Variants in FOXN4 observed in about 807,000 individuals in gnomAD.
The protein encoded by FOXN4 is forkhead box N4, also known as forkhead box protein N4.
A neutral mutation model predicts 45.0 loss-of-function variants in FOXN4; 12 were observed. The observed-to-expected ratio is 0.27, with a 90% CI of 0.17 to 0.43. The LOEUF is 0.43. FOXN4 is among the 20% of genes least tolerant of loss of function. The probability of loss-of-function intolerance (pLI) is 1.00; values close to 1 mark genes in which losing one functional copy is unlikely to be tolerated. For missense variants in FOXN4, 560 were observed against 694.9 expected (o/e 0.81, Z 2.18); for synonymous variants, 297 against 295.0 (o/e 1.01, Z -0.07).
intron 8 of FOXN4, among the ~76,000 whole-genome samples, chr12:109,283,261 TA>T (rs1234302971): frequency 1.6e-4 from 24 of 152,124 alleles, no homozygotes; most frequent in African/African-American, 5.6e-4. Flanking sequence ...GTGAAAAATA[TA>T]AAAGTTATCA....
intron 8 of FOXN4, among the ~76,000 whole-genome samples, chr12:109,284,492 C>T (rs1310643162): frequency 2.0e-5 from 3 of 151,722 alleles, no homozygotes; most frequent in East Asian, 1.9e-4. Context: ...AGGGGCTGCC[C>T]GGGCCTCTTG....
rs528243497 is a variant in FOXN4, at chr12:109,305,145, A to AAGC, written c.86+3090_86+3091insGCT. On this transcript the variant is annotated intron_variant, in intron 2 of 9. Coordinates refer to ENST00000299162, the MANE Select transcript of FOXN4 (RefSeq NM_213596.3). ...GTGGTTACAAATACTCTCAGGGTGCAACCACTTTGGGGCCAAGTCTCCACT... is the reference window on the plus strand; with the variant it reads ...GTGGTTACAAATACTCTCAGGGTGCAAGCACCACTTTGGGGCCAAGTCTCCACT... Among the ~76,000 whole-genome samples, 85 of 152,256 alleles carry AAGC rather than the reference A, an allele frequency of 5.6e-4. 2 individuals are homozygous for AAGC. The East Asian group carries it at 0.012, about 22-fold the overall frequency.
At chr12:109,293,623 G>A (rs1456076813) in intron 2 of FOXN4, among the ~76,000 whole-genome samples, 1 of 152,198 alleles carries the variant, frequency 6.6e-6, no homozygotes, top group Non-Finnish European at 1.5e-5. Context: ...TCAGCCTCCT[G>A]AGTAGCTGGA....
At chr12:109,296,365 G>T (rs2047817142) in intron 2 of FOXN4, among the ~76,000 whole-genome samples, 1 of 152,200 alleles carries the variant, frequency 6.6e-6, no homozygotes, top group South Asian at 2.1e-4. Context: ...GGGGCCAAAT[G>T]TCCTTCCCCC....
chr12:109,285,965 A>C (rs2047706607), intron 7 of FOXN4, among the ~76,000 whole-genome samples: 1 of 151,528 alleles, frequency 6.6e-6, no homozygotes. Flanking sequence ...TCCTGGGATC[A>C]AACAGTCTTC....
chr12:109,286,354 G>A (rs2047710145), intron 7 of FOXN4, among the ~76,000 whole-genome samples: 1 of 152,186 alleles, frequency 6.6e-6, no homozygotes. Context: ...CAATTCTGTT[G>A]TTTTGCATCA....
chr12:109,296,392 C>G (rs2047817472), intron 2 of FOXN4, among the ~76,000 whole-genome samples: 1 of 152,236 alleles, frequency 6.6e-6, no homozygotes, highest in East Asian at 1.9e-4. Context: ...TGTGTGCCTT[C>G]CTCTGTGTCT....
chr12:109,284,869 CGTGTGT>C (rs72368569), intron 8 of FOXN4, among the ~76,000 whole-genome samples: 1 of 141,336 alleles, frequency 7.1e-6, no homozygotes, highest in Non-Finnish European at 1.5e-5. Flanking sequence ...TCCTCTTCTG[CGTGTGT>C]GTGTGCACGC....
chr12:109,298,515 C>A (rs1344830792), intron 2 of FOXN4, among the ~76,000 whole-genome samples: 1 of 152,120 alleles, frequency 6.6e-6, no homozygotes, highest in Non-Finnish European at 1.5e-5. Flanking sequence ...GCACCCACCA[C>A]TACACCCAGC....
At chr12:109,303,435 A>C (rs895146815) in intron 2 of FOXN4, among the ~76,000 whole-genome samples, 2 of 152,172 alleles carry the variant, frequency 1.3e-5, no homozygotes, top group Non-Finnish European at 2.9e-5. Context: ...TGGATGTGTT[A>C]TTTTCACGTG....
Position 109,288,557 on chromosome 12 carries a change from A to G in FOXN4, c.233-377T>C, listed in dbSNP as rs112221650. Among the ~76,000 whole-genome samples the G allele has an allele frequency of 3.7e-3, 571 of 152,284 alleles. 7 individuals carry two copies. The highest frequency in any genetic ancestry group is 0.013 in the African/African-American group (536 of 41,558). On this transcript the variant is annotated intron_variant, in intron 3 of 9. Coordinates refer to ENST00000299162, the MANE Select transcript of FOXN4 (RefSeq NM_213596.3). This position sits in a 1 kb window ranked among gnomAD's most constrained non-coding sequence, Gnocchi z 4.3. ...ATTATGTCCTTCATGAAGCTAAAAC[A>G]CCAATTCACGGTTCATTTCTTTTCC...
chr12:109,297,155 G>A (rs2047825254), intron 2 of FOXN4, among the ~76,000 whole-genome samples: 1 of 152,188 alleles, frequency 6.6e-6, no homozygotes, highest in African/African-American at 2.4e-5. Context: ...CCTCCAGGCT[G>A]AGGACCAGTA....
chr12:109,278,305 C>T lies in FOXN4; in HGVS notation c.*1366G>A, dbSNP rs2047623484. On this transcript the variant is annotated 3_prime_UTR_variant, in exon 10 of 10. Transcript: ENST00000299162. Reference sequence around the variant, plus strand: ...CTAGGGTTCGGGAACTCCCAGACACCAAGTCAACATCCATCTGGTGGAAAG... The same window carrying T: ...CTAGGGTTCGGGAACTCCCAGACACTAAGTCAACATCCATCTGGTGGAAAG... 1 of 152,236 alleles carries T rather than the reference C, an allele frequency of 6.6e-6. No homozygotes were observed. Among genetic ancestry groups the T allele is most frequent in the African/African-American group, 2.4e-5 (1 of 41,458 alleles). The allele number at this position is 152,236 out of a possible 1,614,324, so 9.4% of individuals were successfully genotyped here.
rs142013051 is a variant in FOXN4, at chr12:109,281,737, C to A, written c.964G>T (p.Glu322Ter). The A allele has an allele frequency of 6.2e-7, 1 of 1,606,658 alleles. No homozygotes were observed. The highest frequency in any genetic ancestry group is 1.1e-5 in the South Asian group (1 of 90,730). Reference sequence around the variant, plus strand: ...TGAGTCAGCACGGGGGCCTCTGGTTCCCCCGGTTTGCCGGGGCGCCGGCAG... The same window carrying A: ...TGAGTCAGCACGGGGGCCTCTGGTTACCCCGGTTTGCCGGGGCGCCGGCAG... ...ESCRRPGKPGEPEAPVLTHAT... is the reference protein window; with the variant it reads ...ESCRRPGKPG Residue 322 changes from glutamate (E) to a stop codon, truncating the protein, a stop_gained, in exon 9 of 10, where the codon GAA (glutamate) becomes TAA (stop). Coordinates refer to ENST00000299162, the MANE Select transcript of FOXN4 (RefSeq NM_213596.3). LOFTEE classifies it high-confidence loss of function.
At chr12:109,292,595 C>A (rs565875676) in intron 2 of FOXN4, among the ~76,000 whole-genome samples, 3 of 152,268 alleles carry the variant, frequency 2.0e-5, no homozygotes, top group Admixed American at 6.5e-5. Context: ...CAGTGGCTCA[C>A]GGTCAATGTA....
At chr12:109,308,199 TA>T in intron 2 of FOXN4, 36 bp downstream of exon 2, 1 of 1,480,162 alleles carries the variant, frequency 6.8e-7, no homozygotes. Flanking sequence ...TTTGAGCAAT[TA>T]AAAAATATAT....
chr12:109,304,287 GAAAGAAAGGA>G (rs1566005706), intron 2 of FOXN4, among the ~76,000 whole-genome samples: 113 of 49,578 alleles, frequency 2.3e-3, no homozygotes, highest in African/African-American at 7.7e-3. Context: ...AAGAAAGAAA[GAAAGAAAGGA>G]GAAAGAAAGA....
In FOXN4 at chr12:109,303,271, G is replaced by A. The variant is rs561532432; in HGVS notation, c.86+4965C>T. 2.0e-3 allele frequency among the ~76,000 whole-genome samples: 311 copies of A among 152,230 alleles called. 1 individual carries two copies. The highest frequency in any genetic ancestry group is 7.1e-3 in the African/African-American group (293 of 41,526). On this transcript the variant is annotated intron_variant, in intron 2 of 9. Transcript: ENST00000299162. ...GAGGGTGAAGGGATGGGAAGACATCGGGATGGTTACTGCCCCTAAGAAACG... is the reference window on the plus strand; with the variant it reads ...GAGGGTGAAGGGATGGGAAGACATCAGGATGGTTACTGCCCCTAAGAAACG...
At position 109,290,302 on chromosome 12, in the gene FOXN4, G is replaced by C. The variant is rs1215694997; in HGVS notation, c.87-16C>G. 1.3e-6 allele frequency: 2 copies of C among 1,535,698 alleles called. No homozygotes were observed. The highest frequency in any genetic ancestry group is 2.5e-5 in the East Asian group (1 of 40,522). On this transcript the variant is annotated splice_polypyrimidine_tract_variant and intron_variant, in intron 2 of 9. Transcript: ENST00000299162. The surrounding 1 kb of genome is among the most constrained non-coding windows in gnomAD (Gnocchi z 5.1). Reference sequence around the variant, plus strand: ...GGCTAGAAGCCTGCAAAGAGGAACAGAGAACTCGGGCGGGAGGGGGAGCTT... The same window carrying C: ...GGCTAGAAGCCTGCAAAGAGGAACACAGAACTCGGGCGGGAGGGGGAGCTT...
Sources: allele counts gnomAD v4.1 joint callset (sites outside exome capture counted in the v4.1 genomes callset), GRCh38; gene constraint gnomAD v4.1.1; non-coding constraint Gnocchi (gnomAD v3.1); transcripts MANE v1.5; gene names NCBI Gene and HGNC (gene_info 2026-07-23, HGNC 2026-07-21).